Variants in MLLT1 observed in about 807,000 individuals in gnomAD.
MLLT1 encodes the protein protein ENL.
A neutral mutation model predicts 55.1 loss-of-function variants in MLLT1; 11 were observed. The observed-to-expected ratio is 0.20, with a 90% CI of 0.13 to 0.33. The LOEUF is 0.33. MLLT1 is among the 10% of genes least tolerant of loss of function. MLLT1 has a pLI of 1.00. For missense variants in MLLT1, 536 were observed against 760.6 expected (o/e 0.70, Z 3.47); for synonymous variants, 323 against 320.1 (o/e 1.01, Z -0.10).
chr19:6,213,268 G>A (rs896651678), intron 11 of MLLT1, 69 bp downstream of exon 11: 12 of 1,606,574 alleles, frequency 7.5e-6, no homozygotes, highest in Non-Finnish European at 1.0e-5. Context: ...AGCACCAGGG[G>A]CCCCCGCAGC....
rs1421497680 is a variant in MLLT1 at position 6,229,730 on chromosome 19, C to T, written c.420+840G>A. 6.6e-6 allele frequency among the ~76,000 whole-genome samples: 1 copy of T among 151,734 alleles called. No individual in the cohort carries two copies. The highest frequency in any genetic ancestry group is 6.6e-5 in the Admixed American group (1 of 15,220). ...ACACACCACACCCCTACATGCCACA[C>T]ATGCCACACACTGTACATGCCACAC... On this transcript the variant is annotated intron_variant, in intron 4 of 11. Transcript: ENST00000252674. This position sits in a 1 kb window ranked among gnomAD's most constrained non-coding sequence, Gnocchi z 5.2.
intron 7 of MLLT1, 104 bp from the exon 8 acceptor site, chr19:6,216,617 ACC>A: frequency 1.3e-6 from 1 of 770,758 alleles, no homozygotes; most frequent in Non-Finnish European, 2.1e-6. Flanking sequence ...GACACTGGTG[ACC>A]CCCAAATGCA....
intron 1 of MLLT1, among the ~76,000 whole-genome samples, chr19:6,278,566 G>A (rs144037971): frequency 6.6e-6 from 1 of 152,140 alleles, no homozygotes. Flanking sequence ...GCTGATGGGC[G>A]TTAGATGAAG....
intron 1 of MLLT1, among the ~76,000 whole-genome samples, chr19:6,272,345 A>AT (rs1233797624): frequency 6.6e-6 from 1 of 152,170 alleles, no homozygotes. Flanking sequence ...AAACGCGCAC[A>AT]TTCCAGCTCA....
intron 3 of MLLT1, among the ~76,000 whole-genome samples, chr19:6,243,134 T>TGGGAACGTAAAGC (rs1349344156): frequency 6.6e-6 from 1 of 152,160 alleles, no homozygotes; most frequent in African/African-American, 2.4e-5. Context: ...TAAAGTCTGC[T>TGGGAACGTAAAGC]GGGAACGTAA....
Position 6,279,853 on chromosome 19 carries a change from ACGCCGCCC to A in MLLT1, c.-77_-70del. 6.5e-6 allele frequency: 1 copy of A among 153,318 alleles called. No individual in the cohort carries two copies. Among genetic ancestry groups the A allele is most frequent in the Non-Finnish European group, 1.4e-5 (1 of 73,708 alleles). The allele number at this position is 153,318 out of a possible 1,614,324, so 9.5% of individuals were successfully genotyped here. On this transcript the variant is annotated 5_prime_UTR_variant, in exon 1 of 12. It removes the in-frame stop codon of an upstream open reading frame in the 5' UTR. Transcript: ENST00000252674. ...CCGCCGCCGCCGCCGCCGCCGCTCAACGCCGCCCCGCCGCCCTCATTGTCTGTCAAGCG... is the reference window on the plus strand; with the variant it reads ...CCGCCGCCGCCGCCGCCGCCGCTCAACGCCGCCCTCATTGTCTGTCAAGCG...
intron 3 of MLLT1, among the ~76,000 whole-genome samples, chr19:6,233,771 G>C (rs189990788): frequency 5.1e-4 from 77 of 152,320 alleles, no homozygotes; most frequent in African/African-American, 1.8e-3. Flanking sequence ...CAGCTGGTCC[G>C]AGCAACTGAA....
intron 10 of MLLT1, 128 bp downstream of exon 10, chr19:6,213,598 T>A: frequency 9.5e-7 from 1 of 1,051,014 alleles, no homozygotes; most frequent in Admixed American, 1.9e-5. Context: ...GAGGAAGGAC[T>A]GTCCCTGCTC....
Position 6,214,054 on chromosome 19 carries a change from G to A in MLLT1, c.1308-16C>T. On this transcript the variant is annotated splice_polypyrimidine_tract_variant and intron_variant, in intron 8 of 11. Coordinates refer to ENST00000252674, the MANE Select transcript of MLLT1 (RefSeq NM_005934.4). Reference sequence around the variant, plus strand: ...GAAGCTCAACCTGAACCGACACACGGGGGCGCATCAGGCCCCTGCCGCCAC... The same window carrying A: ...GAAGCTCAACCTGAACCGACACACGAGGGCGCATCAGGCCCCTGCCGCCAC... The A allele has an allele frequency of 7.1e-7, 1 of 1,411,470 alleles. No homozygotes were observed. Among genetic ancestry groups the A allele is most frequent in the Admixed American group, 3.1e-5 (1 of 32,210 alleles). 87.4% of individuals were successfully genotyped at this position (1,411,470 alleles called of 1,614,324 possible).
rs1222203477 is a variant in MLLT1, at chr19:6,232,500, G to GT, written c.277-1788dup. Among the ~76,000 whole-genome samples the GT allele has an allele frequency of 2.0e-5, 3 of 152,188 alleles. 1 individual carries two copies. The highest frequency in any genetic ancestry group is 2.9e-5 in the Non-Finnish European group (2 of 68,042). Reference sequence around the variant, plus strand: ...ACATAGCTCTCAGAAGAAAATACAGGTATCAATCACGACACTGCATTAGGC... The same window carrying GT: ...ACATAGCTCTCAGAAGAAAATACAGGTTATCAATCACGACACTGCATTAGGC... On this transcript the variant is annotated intron_variant, in intron 3 of 11. Transcript: ENST00000252674.
chr19:6,218,199 AC>A (rs2090864460), intron 6 of MLLT1, among the ~76,000 whole-genome samples, 158 bp from the exon 7 acceptor site: 1 of 152,304 alleles, frequency 6.6e-6, no homozygotes, highest in African/African-American at 2.4e-5. Flanking sequence ...CTGAGAACCC[AC>A]TAAGGAGCCA....
chr19:6,248,590 C>T (rs554245249), intron 3 of MLLT1, among the ~76,000 whole-genome samples: 8 of 152,288 alleles, frequency 5.3e-5, no homozygotes, highest in South Asian at 4.1e-4. Context: ...CATGAGAAAA[C>T]GGCAAGTAGA....
At chr19:6,277,773 C>T (rs558868476) in intron 1 of MLLT1, among the ~76,000 whole-genome samples, 152 of 152,314 alleles carry the variant, frequency 1.0e-3, no homozygotes, top group African/African-American at 3.5e-3. Flanking sequence ...CCTCTGTGTG[C>T]CCAGCGGGAC....
chr19:6,256,480 C>T lies in MLLT1; in HGVS notation c.276+5748G>A, dbSNP rs1301408008. 1.3e-5 allele frequency among the ~76,000 whole-genome samples: 2 copies of T among 151,468 alleles called. No homozygotes were observed. The highest frequency in any genetic ancestry group is 4.9e-5 in the African/African-American group (2 of 41,210). ...ACAAAAAAAGAAAAAAAAGGCGGGG[C>T]ACGGTGGCTCACGCCTGTAATCTCA... On this transcript the variant is annotated intron_variant, in intron 3 of 11. Coordinates refer to ENST00000252674, the MANE Select transcript of MLLT1 (RefSeq NM_005934.4). The surrounding 1 kb of genome is among the most constrained non-coding windows in gnomAD (Gnocchi z 4.1).
rs184541359 is a variant in MLLT1, at chr19:6,226,335, C to T, written c.546+642G>A. 1.3e-5 allele frequency among the ~76,000 whole-genome samples: 2 copies of T among 152,302 alleles called. No individual in the cohort carries two copies. The highest frequency in any genetic ancestry group is 2.9e-5 in the Non-Finnish European group (2 of 68,028). Reference sequence around the variant, plus strand: ...CAGGGGTTAAAGGGACACTGTGATGCCATCAAAGGGCTTTCTAGCTTGTCT... The same window carrying T: ...CAGGGGTTAAAGGGACACTGTGATGTCATCAAAGGGCTTTCTAGCTTGTCT... On this transcript the variant is annotated intron_variant, in intron 5 of 11. Coordinates refer to ENST00000252674, the MANE Select transcript of MLLT1 (RefSeq NM_005934.4). This position sits in a 1 kb window ranked among gnomAD's most constrained non-coding sequence, Gnocchi z 6.3.
intron 3 of MLLT1, among the ~76,000 whole-genome samples, chr19:6,255,190 G>T (rs1371026388): frequency 6.6e-6 from 1 of 152,140 alleles, no homozygotes; most frequent in Non-Finnish European, 1.5e-5. Context: ...GCATTCCAAA[G>T]AATAAAATAC....
chr19:6,258,246 CG>C (rs1375183904), intron 3 of MLLT1, among the ~76,000 whole-genome samples: 1 of 149,628 alleles, frequency 6.7e-6, no homozygotes, highest in African/African-American at 2.4e-5. Flanking sequence ...ACAGCCCAAA[CG>C]TCTATCCACA....
intron 3 of MLLT1, among the ~76,000 whole-genome samples, chr19:6,261,984 C>T (rs1045136205): frequency 6.6e-6 from 1 of 152,132 alleles, no homozygotes; most frequent in African/African-American, 2.4e-5. Context: ...CAGGAGGTGG[C>T]CCAGCAGCTC....
intron 3 of MLLT1, among the ~76,000 whole-genome samples, chr19:6,238,548 CA>C (rs2091084308): frequency 6.6e-6 from 1 of 152,222 alleles, no homozygotes; most frequent in African/African-American, 2.4e-5. Context: ...CTTTTTACGT[CA>C]TCTATATTAG....
Sources: gnomAD v4.1 joint callset for allele counts (sites outside exome capture counted in the v4.1 genomes callset) on GRCh38, gnomAD v4.1.1 for gene constraint, Gnocchi (gnomAD v3.1) non-coding constraint, MANE v1.5 for transcripts, NCBI Gene and HGNC (gene_info 2026-07-23, HGNC 2026-07-21) for gene names.